The following VRTN variants were observed in gnomAD, a reference collection of about 807,000 sequenced individuals.
VRTN encodes vertnin.
A neutral mutation model predicts 18.2 loss-of-function variants in VRTN; 5 were observed. The ratio of observed to expected loss-of-function variants is 0.27; its 90% CI spans 0.14 to 0.58. The LOEUF (loss-of-function observed/expected upper bound fraction) is 0.58. Among genes scored for constraint, VRTN ranks in the 20% least tolerant of loss-of-function variants. The probability of loss-of-function intolerance (pLI) is 0.91; values close to 1 mark genes in which losing one functional copy is unlikely to be tolerated. For missense variants in VRTN, 741 were observed against 939.4 expected, an observed-to-expected ratio of 0.79 and a Z score of 2.76; for synonymous variants, 381 against 393.7, an observed-to-expected ratio of 0.97 and a Z score of 0.38.
At chr14:74,347,846 C>T (rs538528128), upstream of VRTN, among the ~76,000 whole-genome samples, 5 of 152,232 alleles carry the variant, frequency 3.3e-5, no homozygotes, top group East Asian at 9.6e-4. Context: ...ACAGATGCAG[C>T]TCTGGCCCAG....
intron 1 of VRTN, among the ~76,000 whole-genome samples, chr14:74,304,515 T>A (rs961424355): frequency 6.6e-6 from 1 of 152,192 alleles, no homozygotes; most frequent in Non-Finnish European, 1.5e-5. Flanking sequence ...TTCTCAACTT[T>A]GGCGCCATTA....
At chr14:74,353,102 C>A (rs117264709) in intron 1 of VRTN, among the ~76,000 whole-genome samples, 1 of 152,104 alleles carries the variant, frequency 6.6e-6, no homozygotes, top group East Asian at 1.9e-4. Flanking sequence ...ACCATGAGAC[C>A]ACCCTGTCGG....
chr14:74,330,584 G>A (rs917330331), intron 1 of VRTN, among the ~76,000 whole-genome samples: 55 of 152,046 alleles, frequency 3.6e-4, no homozygotes, highest in African/African-American at 1.2e-3. Context: ...TGGGATTACA[G>A]GCATGTGCCA....
intron 1 of VRTN, among the ~76,000 whole-genome samples, chr14:74,315,981 T>C (rs1306281605): frequency 6.6e-6 from 1 of 152,164 alleles, no homozygotes; most frequent in Non-Finnish European, 1.5e-5. Context: ...TGGGATATCT[T>C]GCAAAGGGCG....
intron 1 of VRTN, among the ~76,000 whole-genome samples, chr14:74,326,794 C>A (rs1362473624): frequency 3.8e-5 from 1 of 26,500 alleles, no homozygotes; most frequent in Non-Finnish European, 6.8e-5. Flanking sequence ...CCTCTCTCCC[C>A]ACTCATGGCC....
intron 1 of VRTN, among the ~76,000 whole-genome samples, chr14:74,327,104 C>T (rs1415250672): frequency 1.3e-5 from 2 of 152,154 alleles, no homozygotes; most frequent in Non-Finnish European, 2.9e-5. Context: ...GATTAGGTAT[C>T]CTAGTGGTTT....
intron 1 of VRTN, among the ~76,000 whole-genome samples, chr14:74,324,523 C>A (rs1171333556): frequency 6.6e-6 from 1 of 151,992 alleles, no homozygotes; most frequent in Non-Finnish European, 1.5e-5. Flanking sequence ...TGGCAGCTGG[C>A]TGAGATGGTG....
At chr14:74,322,338 TG>T (rs1300330921) in intron 1 of VRTN, among the ~76,000 whole-genome samples, 1 of 151,928 alleles carries the variant, frequency 6.6e-6, no homozygotes, top group Non-Finnish European at 1.5e-5. Flanking sequence ...TTTATAGAGA[TG>T]GGGTCTCACT....
At chr14:74,304,787 T>A (rs957591251) in intron 1 of VRTN, among the ~76,000 whole-genome samples, 24 of 152,176 alleles carry the variant, frequency 1.6e-4, no homozygotes, top group Non-Finnish European at 2.8e-4. Context: ...AAAAGTGGAA[T>A]CTAGAAAGAC....
intron 1 of VRTN, among the ~76,000 whole-genome samples, chr14:74,353,490 G>C (rs1216770863): frequency 6.6e-6 from 1 of 152,040 alleles, no homozygotes; most frequent in African/African-American, 2.4e-5. Context: ...TTTGTGCAGT[G>C]AATAGATTGT....
chr14:74,332,349 T>G (rs1210541787), intron 1 of VRTN, among the ~76,000 whole-genome samples: 5 of 33,498 alleles, frequency 1.5e-4, no homozygotes, highest in East Asian at 2.2e-3. Flanking sequence ...TTTTTTTTTT[T>G]TTTTTTTTTT....
intron 1 of VRTN, among the ~76,000 whole-genome samples, chr14:74,304,012 C>T (rs2085241297): frequency 6.6e-6 from 1 of 151,738 alleles, no homozygotes; most frequent in Non-Finnish European, 1.5e-5. Context: ...CCACCACGCC[C>T]AGCTAATTTA....
In VRTN at chr14:74,358,060, G is replaced by A. The variant is rs370072741; in HGVS notation, c.1277G>A (p.Arg426His). The A allele has an allele frequency of 5.6e-6, 9 of 1,614,120 alleles. No individual in the cohort carries two copies. Among genetic ancestry groups the A allele is most frequent in the African/African-American group, 5.3e-5 (4 of 74,950 alleles). The part of the protein sequence containing the change: ...NTLVPYRCFK[R>H]RFPGISRSTY... The stretch of plus-strand genomic sequence containing the variant: ...CTGGTACCCTATCGCTGCTTCAAAC[G>A]CAGGTTCCCTGGCATCTCACGGTCC... The change falls in exon 2 of 2, where the codon CGC becomes CAC. Residue 426 changes from arginine (R) to histidine (H), a missense_variant. Arg to His is a conservative substitution (Grantham distance 29). This residue lies in a region of VRTN where 494 missense variants were observed against 546.5 expected (regional missense o/e 0.90). Coordinates refer to ENST00000256362, the MANE Select transcript of VRTN (RefSeq NM_018228.3). The surrounding 1 kb of genome is among the most constrained non-coding windows in gnomAD (Gnocchi z 5.4).
chr14:74,356,755 A>T, intron 1 of VRTN, 28 bp from the exon 2 acceptor site: 1 of 1,554,296 alleles, frequency 6.4e-7, no homozygotes, highest in Non-Finnish European at 8.7e-7. Flanking sequence ...CGACCTGACT[A>T]CTGCCCCTTT....
At chr14:74,317,544 G>C (rs1349482040) in intron 1 of VRTN, among the ~76,000 whole-genome samples, 1 of 152,188 alleles carries the variant, frequency 6.6e-6, no homozygotes, top group Non-Finnish European at 1.5e-5. Context: ...GGTCACACCT[G>C]TAATACCAGC....
chr14:74,305,008 G>A (rs1379864658), intron 1 of VRTN, among the ~76,000 whole-genome samples: 2 of 152,098 alleles, frequency 1.3e-5, no homozygotes, highest in East Asian at 1.9e-4. Flanking sequence ...GTCCCAGGGT[G>A]CCTCAGCATT....
At chr14:74,344,167 G>T (rs1419223664), upstream of VRTN, among the ~76,000 whole-genome samples, 1 of 146,752 alleles carries the variant, frequency 6.8e-6, no homozygotes, top group African/African-American at 2.5e-5. Context: ...CTAGCATTTG[G>T]GGAGGCCAAA....
chr14:74,309,817 C>A (rs921229579), intron 1 of VRTN, among the ~76,000 whole-genome samples: 2 of 152,136 alleles, frequency 1.3e-5, no homozygotes, highest in Non-Finnish European at 2.9e-5. Context: ...CTTCCTCACT[C>A]TTATACATAG....
intron 1 of VRTN, among the ~76,000 whole-genome samples, chr14:74,330,773 G>A (rs922440356): frequency 5.3e-5 from 8 of 151,994 alleles, no homozygotes; most frequent in South Asian, 2.1e-4. Context: ...CACCTGAGGC[G>A]TTCTAGAAGT....
Sources: allele counts gnomAD v4.1 joint callset (sites outside exome capture counted in the v4.1 genomes callset), GRCh38; gene constraint gnomAD v4.1.1; regional missense constraint gnomAD v4.1.1; non-coding constraint Gnocchi (gnomAD v3.1); transcripts MANE v1.5; gene names NCBI Gene and HGNC (gene_info 2026-07-23, HGNC 2026-07-21).